Variants in CAPZA2 observed in about 807,000 individuals in gnomAD.
CAPZA2 encodes F-actin-capping protein subunit alpha-2.
CAPZA2 carries 13 observed loss-of-function variants against 44.0 expected under a neutral mutation model. The observed-to-expected ratio is 0.30, with a 90% CI of 0.19 to 0.47. The LOEUF is 0.47. CAPZA2 is among the 20% of genes least tolerant of loss of function. CAPZA2 has a pLI of 1.00. For missense variants in CAPZA2, 244 were observed against 338.6 expected (o/e 0.72, Z 2.19); for synonymous variants, 94 against 108.2 (o/e 0.87, Z 0.81).
intron 1 of CAPZA2, among the ~76,000 whole-genome samples, chr7:116,867,324 C>G (rs1796494935): frequency 6.6e-6 from 1 of 152,184 alleles, no homozygotes; most frequent in African/African-American, 2.4e-5. Context: ...TAGGCTTTTA[C>G]TAGAAAATTT....
chr7:116,893,053 T>C lies in CAPZA2; in HGVS notation c.155+8T>C. The C allele has an allele frequency of 1.3e-6, 2 of 1,567,758 alleles. No individual in the cohort carries two copies. Among genetic ancestry groups the C allele is most frequent in the Non-Finnish European group, 1.7e-6 (2 of 1,144,288 alleles). The stretch of plus-strand genomic sequence containing the variant: ...CAGGGAAGGAGCAGCCCAGTAAGTA[T>C]TATTTATCATACTAACCTAACTAAA... On this transcript the variant is annotated splice_region_variant and intron_variant, in intron 3 of 9. Transcript: ENST00000361183.
At chr7:116,899,363 G>A (rs1349685335) in intron 4 of CAPZA2, among the ~76,000 whole-genome samples, 1 of 151,858 alleles carries the variant, frequency 6.6e-6, no homozygotes, top group East Asian at 1.9e-4. Context: ...ATGAAGGACA[G>A]CTTATGTAAA....
chr7:116,917,947 GC>G lies in CAPZA2; in HGVS notation c.*83del. ...CAAAAGTATTCTGAACTGTCAAGCT[GC>G]CCAGTCAGATGGGCTGTTGCCATTT... On this transcript the variant is annotated 3_prime_UTR_variant, in exon 10 of 10. Coordinates refer to ENST00000361183, the MANE Select transcript of CAPZA2 (RefSeq NM_006136.3). 8.3e-7 allele frequency: 1 copy of G among 1,204,196 alleles called. No individual in the cohort carries two copies. The highest frequency in any genetic ancestry group is 1.2e-6 in the Non-Finnish European group (1 of 822,576). 74.6% of individuals were successfully genotyped at this position (1,204,196 alleles called of 1,614,324 possible). A position where few individuals can be genotyped will look rare whatever the true frequency, so the allele number is the denominator to read the frequency against.
intron 1 of CAPZA2, among the ~76,000 whole-genome samples, chr7:116,878,094 A>G (rs778394693): frequency 1.2e-4 from 18 of 152,226 alleles, no homozygotes; most frequent in South Asian, 2.1e-4. Context: ...CATTTGAATG[A>G]TAAGTTCAAG....
In CAPZA2 at chr7:116,916,139, A is replaced by G. The variant is rs774553696; in HGVS notation, c.720+17A>G. On this transcript the variant is annotated intron_variant, in intron 9 of 9. Coordinates refer to ENST00000361183, the MANE Select transcript of CAPZA2 (RefSeq NM_006136.3). ...GAATACCAGGTATGATTTTTTAAAT[A>G]TTATATAAGCTACACTCACATATGA... 6.5e-7 allele frequency: 1 copy of G among 1,527,154 alleles called. No individual in the cohort carries two copies. The highest frequency in any genetic ancestry group is 8.7e-7 in the Non-Finnish European group (1 of 1,143,092). The allele number at this position is 1,527,154 out of a possible 1,614,324, so 94.6% of individuals were successfully genotyped here.
chr7:116,911,863 A>G (rs10231839), intron 7 of CAPZA2, among the ~76,000 whole-genome samples: 3,353 of 152,144 alleles, frequency 0.022, 127 homozygotes, highest in African/African-American at 0.077. Flanking sequence ...GGCTTGCCTG[A>G]ATAACTACAG....
rs1796676915 is a variant in CAPZA2 at position 116,880,424 on chromosome 7, G to A, written c.40-7703G>A. Among the ~76,000 whole-genome samples, 4 of 152,172 alleles carry A rather than the reference G, an allele frequency of 2.6e-5. No homozygotes were observed. In the South Asian group the frequency reaches 8.3e-4, roughly 32 times the overall value. On this transcript the variant is annotated intron_variant, in intron 1 of 9. Transcript: ENST00000361183. Reference sequence around the variant, plus strand: ...TTTTGTTTTTGTTTTTTGAGAGGGAGTCTCACTGTGTTGCCCAGGCTGGAG... The same window carrying A: ...TTTTGTTTTTGTTTTTTGAGAGGGAATCTCACTGTGTTGCCCAGGCTGGAG...
intron 2 of CAPZA2, among the ~76,000 whole-genome samples, chr7:116,890,247 C>T (rs1381212880): frequency 6.6e-6 from 1 of 151,928 alleles, no homozygotes; most frequent in African/African-American, 2.4e-5. Context: ...AATATATTCT[C>T]TGTTGAGTTG....
At chr7:116,862,999 G>GA (rs1562954792) in intron 1 of CAPZA2, among the ~76,000 whole-genome samples, 1 of 152,108 alleles carries the variant, frequency 6.6e-6, no homozygotes, top group African/African-American at 2.4e-5. Flanking sequence ...CTCCGCCGGG[G>GA]CCGGGGACCG....
At chr7:116,892,241 C>T (rs1796855263) in intron 2 of CAPZA2, among the ~76,000 whole-genome samples, 2 of 152,010 alleles carry the variant, frequency 1.3e-5, no homozygotes, top group East Asian at 3.9e-4. Flanking sequence ...TTATTTTCAT[C>T]TAATGAAAAA....
At chr7:116,910,010 C>T in intron 6 of CAPZA2, 1 of 508,628 alleles carries the variant, frequency 2.0e-6, no homozygotes, top group Non-Finnish European at 3.6e-6. Flanking sequence ...GCATTAAATC[C>T]ATTATGTAAG....
At chr7:116,905,531 G>T (rs1342699050) in intron 5 of CAPZA2, among the ~76,000 whole-genome samples, 3 of 152,068 alleles carry the variant, frequency 2.0e-5, no homozygotes. Flanking sequence ...GAAGTTTCCT[G>T]GTTAGGACAA....
chr7:116,887,036 C>T (rs1459270865), intron 1 of CAPZA2, among the ~76,000 whole-genome samples: 1 of 152,196 alleles, frequency 6.6e-6, no homozygotes, highest in Non-Finnish European at 1.5e-5. Flanking sequence ...GGTCAGGTCT[C>T]CTGTTAAACC....
At chr7:116,901,905 G>GTGTGTA (rs1255632536) in intron 4 of CAPZA2, among the ~76,000 whole-genome samples, 1 of 151,204 alleles carries the variant, frequency 6.6e-6, no homozygotes, top group East Asian at 1.9e-4. Context: ...GTGTGTGTGT[G>GTGTGTA]TGTGTGTATG....
intron 6 of CAPZA2, among the ~76,000 whole-genome samples, chr7:116,909,236 G>A (rs997270999): frequency 1.3e-5 from 2 of 152,038 alleles, no homozygotes; most frequent in African/African-American, 4.8e-5. Context: ...TCTAGCAAAA[G>A]CCAGTATAGT....
intron 3 of CAPZA2, among the ~76,000 whole-genome samples, chr7:116,895,253 G>C (rs1796909398): frequency 6.6e-6 from 1 of 151,922 alleles, no homozygotes; most frequent in Admixed American, 6.6e-5. Flanking sequence ...GAGAAACTTG[G>C]TAAGTCAGAG....
At chr7:116,897,439 T>G (rs1305555639) in intron 3 of CAPZA2, among the ~76,000 whole-genome samples, 1 of 152,144 alleles carries the variant, frequency 6.6e-6, no homozygotes, top group East Asian at 1.9e-4. Flanking sequence ...TTAATTCTAC[T>G]TTGCTATTTT....
intron 2 of CAPZA2, among the ~76,000 whole-genome samples, chr7:116,890,579 TATATATATATATATATATACACACACAC>T (rs1796830051): frequency 3.8e-5 from 1 of 26,496 alleles, no homozygotes; most frequent in African/African-American, 2.8e-4. Context: ...CACATATATA[TATATATATATATATATATACACACACAC>T]ACACACATAT....
At chr7:116,894,819 T>C (rs1009560335) in intron 3 of CAPZA2, among the ~76,000 whole-genome samples, 7 of 152,218 alleles carry the variant, frequency 4.6e-5, no homozygotes, top group Non-Finnish European at 8.8e-5. Context: ...TATTGTAGCA[T>C]GTGTCAGAAT....
Sources: allele counts gnomAD v4.1 joint callset (sites outside exome capture counted in the v4.1 genomes callset), GRCh38; gene constraint gnomAD v4.1.1; transcripts MANE v1.5; gene names NCBI Gene and HGNC (gene_info 2026-07-23, HGNC 2026-07-21).